SHISAL1: variants seen among roughly 807,000 people sequenced by gnomAD.
The protein encoded by SHISAL1 is protein shisa-like-1.
SHISAL1 carries 9 observed loss-of-function variants against 22.6 expected under a neutral mutation model. That is an observed-to-expected ratio of 0.40 (90% CI 0.24 to 0.70). SHISAL1 has a LOEUF of 0.70. Among genes scored for constraint, SHISAL1 ranks in the 30% least tolerant of loss-of-function variants. SHISAL1 has a pLI of 0.39. For synonymous variants in SHISAL1, 119 were observed against 115.4 expected, an observed-to-expected ratio of 1.03 and a Z score of -0.20; for missense variants, 246 against 270.6, an observed-to-expected ratio of 0.91 and a Z score of 0.64.
intron 1 of SHISAL1, among the ~76,000 whole-genome samples, chr22:44,309,921 T>C (rs1314151388): frequency 6.6e-6 from 1 of 152,244 alleles, no homozygotes; most frequent in Non-Finnish European, 1.5e-5. Flanking sequence ...AGCATGTCTT[T>C]GTGACCCCTT....
chr22:44,253,143 T>C (rs538602296), intron 4 of SHISAL1, among the ~76,000 whole-genome samples: 1 of 152,184 alleles, frequency 6.6e-6, no homozygotes, highest in African/African-American at 2.4e-5. Context: ...AAACGTTATG[T>C]GCATTTTACC....
Position 44,300,754 on chromosome 22 carries a change from T to C in SHISAL1, c.67+125A>G, listed in dbSNP as rs767523593. The C allele has an allele frequency of 6.7e-5, 50 of 748,998 alleles. No homozygotes were observed. In the South Asian group the frequency reaches 8.2e-4, roughly 12 times the overall value. 46.4% of individuals were successfully genotyped at this position (748,998 alleles called of 1,614,324 possible). A position where few individuals can be genotyped will look rare whatever the true frequency, so the allele number is the denominator to read the frequency against. ...CAGCTGCTCACCAGAGGGGTGCCAGTAAGGTGGAGGACAAAAGGCAAGCCT... is the reference window on the plus strand; with the variant it reads ...CAGCTGCTCACCAGAGGGGTGCCAGCAAGGTGGAGGACAAAAGGCAAGCCT... On this transcript the variant is annotated intron_variant, in intron 2 of 4. Coordinates refer to ENST00000381176, the MANE Select transcript of SHISAL1 (RefSeq NM_001099294.2).
rs1416319150 is a variant in SHISAL1 at position 44,285,638 on chromosome 22, A to G, written c.389T>C (p.Val130Ala). 2 of 1,614,064 alleles carry G rather than the reference A, an allele frequency of 1.2e-6. No individual in the cohort carries two copies. Among genetic ancestry groups the G allele is most frequent in the East Asian group, 4.5e-5 (2 of 44,896 alleles). ...YSAMNYDICK[V>A]YLARWGIQGR... ...TTGGATGCCCCACCGTGCCAGGTAG[A>G]CCTTGCAGATGTCGTAGTTCATTGC... is the stretch of plus-strand genomic sequence containing the variant. Residue 130 changes from valine to alanine, a missense_variant, in exon 4 of 5, where the codon GTC becomes GCC. Val to Ala is a moderately conservative substitution (Grantham distance 64). Around this residue, in one of 2 missense-constraint regions of SHISAL1, gnomAD observed 136 missense variants for 117.5 expected, o/e 1.16. Transcript: ENST00000381176.
At chr22:44,283,705 G>A (rs2055292017) in intron 4 of SHISAL1, among the ~76,000 whole-genome samples, 2 of 152,176 alleles carry the variant, frequency 1.3e-5, no homozygotes, top group Non-Finnish European at 2.9e-5. Context: ...AGGTGCGGGA[G>A]TGGGGGAGGA....
chr22:44,303,948 C>T (rs924547432), intron 1 of SHISAL1, among the ~76,000 whole-genome samples: 2 of 152,208 alleles, frequency 1.3e-5, no homozygotes, highest in African/African-American at 2.4e-5. Context: ...CCCTCCGCCC[C>T]CCAGGAGGAC....
rs2054974925 is a variant in SHISAL1 at position 44,243,764 on chromosome 22, A to G, written c.*5921T>C. 1 of 152,236 alleles carries G rather than the reference A, an allele frequency of 6.6e-6. No homozygotes were observed. Among genetic ancestry groups the G allele is most frequent in the Non-Finnish European group, 1.5e-5 (1 of 68,042 alleles). 9.4% of individuals were successfully genotyped at this position (152,236 alleles called of 1,614,324 possible). A position where few individuals can be genotyped will look rare whatever the true frequency, so the allele number is the denominator to read the frequency against. On this transcript the variant is annotated 3_prime_UTR_variant, in exon 5 of 5. Coordinates refer to ENST00000381176, the MANE Select transcript of SHISAL1 (RefSeq NM_001099294.2). ...AAAAGCAGAGCAACAGCGGTCAGTGAAAAACACATGATTATTCTTACATTC... is the reference window on the plus strand; with the variant it reads ...AAAAGCAGAGCAACAGCGGTCAGTGGAAAACACATGATTATTCTTACATTC...
intron 4 of SHISAL1, among the ~76,000 whole-genome samples, chr22:44,278,687 G>C (rs186296650): frequency 1.6e-4 from 25 of 152,270 alleles, no homozygotes; most frequent in African/African-American, 5.5e-4. Flanking sequence ...CCCAGGAGAA[G>C]GGGTGAGGAG....
rs1057412036 is a variant in SHISAL1 at position 44,283,707 on chromosome 22, G to T, written c.599+1721C>A. 5.9e-5 allele frequency among the ~76,000 whole-genome samples: 9 copies of T among 152,254 alleles called. No homozygotes were observed. The South Asian group carries it at 1.7e-3, about 28-fold the overall frequency. ...ATGTGCATGCAAAAGGTGCGGGAGT[G>T]GGGGAGGACCACCGTTTTAAACGGA... On this transcript the variant is annotated intron_variant, in intron 4 of 4. Transcript: ENST00000381176.
chr22:44,251,798 T>C (rs2055049456), intron 4 of SHISAL1, among the ~76,000 whole-genome samples: 1 of 152,188 alleles, frequency 6.6e-6, no homozygotes, highest in Non-Finnish European at 1.5e-5. Flanking sequence ...CCATGCCACA[T>C]GGAAATTGTG....
intron 1 of SHISAL1, among the ~76,000 whole-genome samples, chr22:44,305,240 T>C (rs2055462158): frequency 6.6e-6 from 1 of 152,184 alleles, no homozygotes; most frequent in African/African-American, 2.4e-5. Flanking sequence ...CAACACCCAC[T>C]TGCTGACCTG....
intron 4 of SHISAL1, among the ~76,000 whole-genome samples, chr22:44,255,781 C>T (rs979585347): frequency 6.6e-6 from 1 of 152,232 alleles, no homozygotes; most frequent in African/African-American, 2.4e-5. Flanking sequence ...CACCCCATCA[C>T]CTCCCTGTCC....
At chr22:44,285,817 G>T in intron 3 of SHISAL1, 72 bp from the exon 4 acceptor site, 1 of 1,257,230 alleles carries the variant, frequency 8.0e-7, no homozygotes, top group Non-Finnish European at 1.1e-6. Flanking sequence ...CATCAGTGGG[G>T]CTGATTAGAG....
At position 44,244,940 on chromosome 22, in the gene SHISAL1, C is replaced by T. The variant is rs1463316188; in HGVS notation, c.*4745G>A. On this transcript the variant is annotated 3_prime_UTR_variant, in exon 5 of 5. Transcript: ENST00000381176. ...ACCAGCGTGGGACGTGTTGGTGCTA[C>T]AGCAAGGAACTAGGGCACTGTGCAT... 2.0e-5 allele frequency: 3 copies of T among 152,272 alleles called. No individual in the cohort carries two copies. Among genetic ancestry groups the T allele is most frequent in the African/African-American group, 4.8e-5 (2 of 41,468 alleles). The allele number at this position is 152,272 out of a possible 1,614,324, so 9.4% of individuals were successfully genotyped here.
rs575909179 is a variant in SHISAL1 at position 44,270,227 on chromosome 22, C to T, written c.599+15201G>A. Among the ~76,000 whole-genome samples, 6 of 152,332 alleles carry T rather than the reference C, an allele frequency of 3.9e-5. No homozygotes were observed. The South Asian group carries it at 1.2e-3, about 32-fold the overall frequency. On this transcript the variant is annotated intron_variant, in intron 4 of 4. Transcript: ENST00000381176. ...TCTCCTATCTCGACAACCCTGCAGA[C>T]TTGAGTCCCGAATCTCCCTCCCTCT...
At chr22:44,277,030 T>G (rs1035590346) in intron 4 of SHISAL1, among the ~76,000 whole-genome samples, 10 of 152,246 alleles carry the variant, frequency 6.6e-5, no homozygotes, top group African/African-American at 1.2e-4. Flanking sequence ...CTGCTCTCTC[T>G]GCCGGGATGC....
intron 4 of SHISAL1, among the ~76,000 whole-genome samples, chr22:44,259,551 C>A (rs2147271654): frequency 6.6e-6 from 1 of 151,774 alleles, no homozygotes; most frequent in East Asian, 1.9e-4. Context: ...GGGTGGAGCC[C>A]TCGGTTGCAC....
chr22:44,249,856 G>C (rs758211457), intron 4 of SHISAL1, among the ~76,000 whole-genome samples, 171 bp from the exon 5 acceptor site: 10 of 152,124 alleles, frequency 6.6e-5, no homozygotes, highest in Non-Finnish European at 1.2e-4. Flanking sequence ...AAAAATGTCT[G>C]CTATCATTAT....
the SHISAL1 span, among the ~76,000 whole-genome samples, chr22:44,318,464 C>T: frequency 3.3e-5 from 5 of 152,194 alleles, no homozygotes; most frequent in East Asian, 1.9e-4. Context: ...CCAGGCCTGG[C>T]GGAGGCTGGC....
At chr22:44,285,898 G>GCTCCCTCTCCTCTGCCTGCCTGTTCGC (rs1251671318) in intron 3 of SHISAL1, among the ~76,000 whole-genome samples, 153 bp from the exon 4 acceptor site, 1 of 152,160 alleles carries the variant, frequency 6.6e-6, no homozygotes, top group Non-Finnish European at 1.5e-5. Context: ...CGGGGCCTTG[G>GCTCCCTCTCCTCTGCCTGCCTGTTCGC]CTCCCTCTCC....
Sources: gnomAD v4.1 joint callset for allele counts (sites outside exome capture counted in the v4.1 genomes callset) on GRCh38, gnomAD v4.1.1 for gene constraint, gnomAD v4.1.1 regional missense constraint, MANE v1.5 for transcripts, NCBI Gene and HGNC (gene_info 2026-07-23, HGNC 2026-07-21) for gene names.